APPBP2: variants seen among roughly 807,000 people sequenced by gnomAD.
APPBP2 encodes amyloid protein-binding protein 2.
APPBP2 carries 15 observed loss-of-function variants against 76.0 expected under a neutral mutation model. That is an observed-to-expected ratio of 0.20 (90% CI 0.13 to 0.30). The LOEUF (loss-of-function observed/expected upper bound fraction) is 0.30. APPBP2 is among the 10% of genes least tolerant of loss of function. The probability of loss-of-function intolerance (pLI) is 1.00; values close to 1 mark genes in which losing one functional copy is unlikely to be tolerated. For synonymous variants in APPBP2, 222 were observed against 242.2 expected, an observed-to-expected ratio of 0.92 and a Z score of 0.77; for missense variants, 401 against 687.2, an observed-to-expected ratio of 0.58 and a Z score of 4.66.
chr17:60,478,265 A>T (rs73328413), intron 4 of APPBP2, among the ~76,000 whole-genome samples: 12,507 of 152,176 alleles, frequency 0.082, 1,704 homozygotes, highest in African/African-American at 0.28. Flanking sequence ...GCCAAATCAA[A>T]TTGGGGGACA....
intron 1 of APPBP2, among the ~76,000 whole-genome samples, chr17:60,522,359 G>A (rs558354341): frequency 6.6e-6 from 1 of 152,168 alleles, no homozygotes; most frequent in African/African-American, 2.4e-5. Flanking sequence ...ATCTCCCTCT[G>A]TTGCCCAGGC....
At chr17:60,501,286 T>A (rs1035121963) in intron 1 of APPBP2, among the ~76,000 whole-genome samples, 2 of 152,054 alleles carry the variant, frequency 1.3e-5, no homozygotes, top group African/African-American at 2.4e-5. Context: ...GTCTCTAGAA[T>A]ACACAGCCTG....
rs965497079 is a variant in APPBP2, at chr17:60,445,176, G to A, written c.*2405C>T. 1 of 152,450 alleles carries A rather than the reference G, an allele frequency of 6.6e-6. No homozygotes were observed. The highest frequency in any genetic ancestry group is 2.4e-5 in the African/African-American group (1 of 41,432). The allele number at this position is 152,450 out of a possible 1,614,324, so 9.4% of individuals were successfully genotyped here. ...AATGTTTTCTTAAGCTAGAGTGTAT[G>A]CATTAAAGTATATGGATTTACAAAA... On this transcript the variant is annotated 3_prime_UTR_variant, in exon 13 of 13. Coordinates refer to ENST00000083182, the MANE Select transcript of APPBP2 (RefSeq NM_006380.5).
intron 4 of APPBP2, among the ~76,000 whole-genome samples, chr17:60,473,325 T>A (rs1321538651): frequency 2.0e-5 from 3 of 152,196 alleles, no homozygotes; most frequent in Non-Finnish European, 4.4e-5. Flanking sequence ...CCTTTCCTAC[T>A]CTACCCACTA....
At chr17:60,451,298 C>T (rs1396734894) in intron 12 of APPBP2, among the ~76,000 whole-genome samples, 1 of 152,098 alleles carries the variant, frequency 6.6e-6, no homozygotes, top group Non-Finnish European at 1.5e-5. Flanking sequence ...TTTAAAATAA[C>T]TACTTTTGCC....
chr17:60,505,392 T>G (rs1286351005), intron 1 of APPBP2, among the ~76,000 whole-genome samples: 5 of 152,262 alleles, frequency 3.3e-5, no homozygotes, highest in East Asian at 3.8e-4. Flanking sequence ...CTTGGCTCAC[T>G]GCAAGCTCCG....
At chr17:60,498,014 C>T (rs2090790276) in intron 2 of APPBP2, among the ~76,000 whole-genome samples, 1 of 151,986 alleles carries the variant, frequency 6.6e-6, no homozygotes, top group South Asian at 2.1e-4. Context: ...GTGGGGCATG[C>T]CTGTATTCCC....
rs767225675 is a variant in APPBP2 at position 60,466,464 on chromosome 17, A to G, written c.504-5T>C. ...CCATTTCGCACATGAAGCAACCTAT[A>G]AAACACCAATAACATTGCTCTATTT... On this transcript the variant is annotated splice_polypyrimidine_tract_variant and splice_region_variant and intron_variant, in intron 4 of 12. Coordinates refer to ENST00000083182, the MANE Select transcript of APPBP2 (RefSeq NM_006380.5). 7.5e-6 allele frequency: 12 copies of G among 1,610,212 alleles called. 1 individual carries two copies. The South Asian group carries it at 1.3e-4, about 18-fold the overall frequency.
intron 4 of APPBP2, among the ~76,000 whole-genome samples, chr17:60,466,886 T>G (rs1008686011): frequency 1.3e-5 from 2 of 152,220 alleles, no homozygotes; most frequent in Non-Finnish European, 2.9e-5. Context: ...ACCACTTATT[T>G]CATGATGCTT....
chr17:60,484,783 A>T (rs998919006), intron 3 of APPBP2, among the ~76,000 whole-genome samples: 2 of 152,128 alleles, frequency 1.3e-5, no homozygotes, highest in African/African-American at 4.8e-5. Context: ...TGATGAGAGA[A>T]AGACAGAAAA....
At chr17:60,524,101 G>A (rs2091031358) in intron 1 of APPBP2, among the ~76,000 whole-genome samples, 1 of 152,194 alleles carries the variant, frequency 6.6e-6, no homozygotes, top group Non-Finnish European at 1.5e-5. Flanking sequence ...AAAACTGTGT[G>A]AACTATGTGA....
At chr17:60,475,460 T>C (rs893897713) in intron 4 of APPBP2, among the ~76,000 whole-genome samples, 1 of 152,144 alleles carries the variant, frequency 6.6e-6, no homozygotes, top group Non-Finnish European at 1.5e-5. Flanking sequence ...ATACGGTACA[T>C]GGAGATATAC....
chr17:60,501,828 C>T (rs2090825959), intron 1 of APPBP2, among the ~76,000 whole-genome samples: 1 of 152,094 alleles, frequency 6.6e-6, no homozygotes, highest in Admixed American at 6.5e-5. Flanking sequence ...CCTCAGCACA[C>T]TCCTGGGCAT....
chr17:60,468,749 T>G (rs2090529534), intron 4 of APPBP2, among the ~76,000 whole-genome samples: 1 of 152,206 alleles, frequency 6.6e-6, no homozygotes, highest in African/African-American at 2.4e-5. Context: ...TATCCCAACC[T>G]TCTGCCTAAG....
Position 60,446,713 on chromosome 17 carries a change from A to G in APPBP2, c.*868T>C, listed in dbSNP as rs1386525252. 6.6e-6 allele frequency: 1 copy of G among 152,210 alleles called. No individual in the cohort carries two copies. The highest frequency in any genetic ancestry group is 2.4e-5 in the African/African-American group (1 of 41,462). 9.4% of individuals were successfully genotyped at this position (152,210 alleles called of 1,614,324 possible). On this transcript the variant is annotated 3_prime_UTR_variant, in exon 13 of 13. Coordinates refer to ENST00000083182, the MANE Select transcript of APPBP2 (RefSeq NM_006380.5). ...CCATTGAAATTGCCAAACTTCCCTA[A>G]TTTGGTATCTATTACATAATTTTTG...
rs188947906 is a variant in APPBP2, at chr17:60,449,636, G to C, written c.1505-1802C>G. Among the ~76,000 whole-genome samples, 84 of 151,880 alleles carry C rather than the reference G, an allele frequency of 5.5e-4. 1 individual carries two copies. Among genetic ancestry groups the C allele is most frequent in the African/African-American group, 1.9e-3 (79 of 41,448 alleles). ...CCAAAAAAAAGTCTTTTGAAGAAAT[G>C]GTCTTGGCTTAACTCTGTGTCCATA... is the stretch of plus-strand genomic sequence containing the variant. On this transcript the variant is annotated intron_variant, in intron 12 of 12. Transcript: ENST00000083182.
At chr17:60,451,333 C>T (rs2090393503) in intron 12 of APPBP2, among the ~76,000 whole-genome samples, 1 of 152,122 alleles carries the variant, frequency 6.6e-6, no homozygotes, top group African/African-American at 2.4e-5. Flanking sequence ...TACTGTCATA[C>T]CTCTTACTAC....
chr17:60,461,776 G>A, intron 8 of APPBP2, 34 bp downstream of exon 8: 1 of 1,494,108 alleles, frequency 6.7e-7, no homozygotes, highest in Non-Finnish European at 9.2e-7. Context: ...AGTCAATACA[G>A]GTTGAAAGAA....
intron 1 of APPBP2, among the ~76,000 whole-genome samples, chr17:60,513,813 T>C (rs907109315): frequency 1.3e-5 from 2 of 150,606 alleles, no homozygotes; most frequent in Non-Finnish European, 3.0e-5. Flanking sequence ...CAGATGCCAC[T>C]GCAATCCAGC....
Sources: allele counts gnomAD v4.1 joint callset (sites outside exome capture counted in the v4.1 genomes callset), GRCh38; gene constraint gnomAD v4.1.1; transcripts MANE v1.5; gene names NCBI Gene and HGNC (gene_info 2026-07-23, HGNC 2026-07-21).